MBD5: variants seen among roughly 807,000 people sequenced by gnomAD.
MBD5 encodes the protein methyl-CpG binding domain protein 5.
Under a neutral mutation model 117.3 loss-of-function variants are expected in MBD5, and 13 were observed. That is an observed-to-expected ratio of 0.11 (90% CI 0.07 to 0.18). The LOEUF (loss-of-function observed/expected upper bound fraction) is 0.18, where lower values mean the gene tolerates loss of function less well. Among genes scored for constraint, MBD5 ranks in the 10% least tolerant of loss-of-function variants. The pLI, the probability that MBD5 is intolerant of heterozygous loss-of-function variation, is 1.00. For synonymous variants in MBD5, 727 were observed against 766.4 expected, an observed-to-expected ratio of 0.95 and a Z score of 0.85; for missense variants, 1,879 against 2,093.8, an observed-to-expected ratio of 0.90 and a Z score of 2.00.
chr2:148,422,784 G>T (rs1230243674), intron 4 of MBD5, among the ~76,000 whole-genome samples: 1 of 152,142 alleles, frequency 6.6e-6, no homozygotes, highest in Admixed American at 6.6e-5. Flanking sequence ...ACTTCGTGAA[G>T]CATACACAAG....
chr2:148,185,670 G>A (rs886241013), intron 2 of MBD5, among the ~76,000 whole-genome samples: 1 of 152,102 alleles, frequency 6.6e-6, no homozygotes, highest in Non-Finnish European at 1.5e-5. Context: ...GGGAGACTGA[G>A]GTGAGAGGAT....
At chr2:148,390,924 G>A (rs1420900394) in intron 4 of MBD5, among the ~76,000 whole-genome samples, 1 of 152,134 alleles carries the variant, frequency 6.6e-6, no homozygotes, top group Non-Finnish European at 1.5e-5. Flanking sequence ...GTCCTTTTTG[G>A]TGTTCAGAAG....
chr2:148,167,322 G>A (rs1486278671), intron 1 of MBD5, among the ~76,000 whole-genome samples: 3 of 151,962 alleles, frequency 2.0e-5, no homozygotes, highest in African/African-American at 7.3e-5. Context: ...ATATCTTGTT[G>A]TTTAAACTTA....
chr2:148,456,796 C>T (rs1299298767), intron 4 of MBD5, among the ~76,000 whole-genome samples: 2 of 152,114 alleles, frequency 1.3e-5, no homozygotes, highest in Non-Finnish European at 1.5e-5. Context: ...ACGTCCATAC[C>T]CACAGTTCCC....
At chr2:148,084,175 T>C (rs184786141) in intron 1 of MBD5, among the ~76,000 whole-genome samples, 40 of 152,352 alleles carry the variant, frequency 2.6e-4, no homozygotes, top group African/African-American at 9.6e-4. Context: ...TAAGATCTTA[T>C]GTCACCATTA....
At chr2:148,467,539 T>C (rs1265395953) in intron 7 of MBD5, among the ~76,000 whole-genome samples, 2 of 152,154 alleles carry the variant, frequency 1.3e-5, no homozygotes, top group Non-Finnish European at 2.9e-5. Flanking sequence ...ATACACCCAA[T>C]TGTCTAATGA....
intron 3 of MBD5, among the ~76,000 whole-genome samples, chr2:148,289,066 G>A (rs1266485795): frequency 6.6e-6 from 1 of 152,094 alleles, no homozygotes; most frequent in Non-Finnish European, 1.5e-5. Context: ...TATGGTTATT[G>A]AACTACTTTT....
intron 12 of MBD5, among the ~76,000 whole-genome samples, chr2:148,507,550 G>C (rs1682072307): frequency 6.6e-6 from 1 of 151,306 alleles, no homozygotes; most frequent in Admixed American, 6.6e-5. Flanking sequence ...ACGAGGTCAG[G>C]AGATCGAGAC....
intron 1 of MBD5, among the ~76,000 whole-genome samples, chr2:148,174,787 A>T (rs915404743): frequency 1.3e-5 from 2 of 152,138 alleles, no homozygotes; most frequent in Non-Finnish European, 2.9e-5. Context: ...ATTACCAAAA[A>T]AAAAAAATAC....
chr2:148,150,973 A>G (rs1480406503), intron 1 of MBD5, among the ~76,000 whole-genome samples: 1 of 151,176 alleles, frequency 6.6e-6, no homozygotes. Flanking sequence ...AACTTCCAAC[A>G]CTATGTTGAA....
chr2:148,283,324 G>A (rs913654672), intron 3 of MBD5, among the ~76,000 whole-genome samples: 9 of 152,018 alleles, frequency 5.9e-5, no homozygotes, highest in Non-Finnish European at 1.2e-4. Flanking sequence ...TTGCAGTAAG[G>A]AAAAACTCTC....
At chr2:148,079,196 A>G (rs1349370581) in intron 1 of MBD5, among the ~76,000 whole-genome samples, 2 of 152,206 alleles carry the variant, frequency 1.3e-5, no homozygotes, top group African/African-American at 4.8e-5. Flanking sequence ...AATTCATAAA[A>G]TGCTGACCTG....
At chr2:148,116,263 G>A (rs74343188) in intron 1 of MBD5, among the ~76,000 whole-genome samples, 3,247 of 151,542 alleles carry the variant, frequency 0.021, 121 homozygotes, top group African/African-American at 0.074. Context: ...GGTTATCACC[G>A]TGACTGAGAA....
At chr2:148,200,018 G>A (rs1031773762) in intron 2 of MBD5, among the ~76,000 whole-genome samples, 1 of 151,966 alleles carries the variant, frequency 6.6e-6, no homozygotes. Context: ...TTCCTTAATC[G>A]TTTGCATATC....
chr2:148,481,366 C>G (rs1681147973), intron 8 of MBD5, among the ~76,000 whole-genome samples: 1 of 152,082 alleles, frequency 6.6e-6, no homozygotes, highest in Admixed American at 6.6e-5. Flanking sequence ...ATTACTGTTA[C>G]AACTATGGAA....
intron 1 of MBD5, among the ~76,000 whole-genome samples, chr2:148,101,447 G>A (rs970734940): frequency 6.6e-6 from 1 of 151,868 alleles, no homozygotes; most frequent in Non-Finnish European, 1.5e-5. Flanking sequence ...AGATGATAGA[G>A]AAAGACCCTG....
Position 148,327,645 on chromosome 2 carries a change from G to C in MBD5, c.-679-14569G>C, listed in dbSNP as rs1010265465. Among the ~76,000 whole-genome samples, 545 of 151,442 alleles carry C rather than the reference G, an allele frequency of 3.6e-3. 1 individual carries two copies. The highest frequency in any genetic ancestry group is 0.01 in the African/African-American group (420 of 41,272). The stretch of plus-strand genomic sequence containing the variant: ...CCAGTTGATCGCATTGGCTCCTGAG[G>C]CTTCTGCATTCTTCACATAGTTATC... On this transcript the variant is annotated intron_variant, in intron 3 of 13. Coordinates refer to ENST00000642680, the MANE Select transcript of MBD5 (RefSeq NM_001378120.1).
At chr2:148,378,815 G>A (rs1402521799) in intron 4 of MBD5, among the ~76,000 whole-genome samples, 1 of 152,014 alleles carries the variant, frequency 6.6e-6, no homozygotes, top group African/African-American at 2.4e-5. Context: ...ACAAATATGT[G>A]ATTAGGTAAT....
chr2:148,162,466 T>C (rs1299300674), intron 1 of MBD5, among the ~76,000 whole-genome samples: 1 of 152,236 alleles, frequency 6.6e-6, no homozygotes, highest in African/African-American at 2.4e-5. Flanking sequence ...CATGATAAAT[T>C]GTTTAGAAAA....
Sources: allele counts gnomAD v4.1 joint callset (sites outside exome capture counted in the v4.1 genomes callset), GRCh38; gene constraint gnomAD v4.1.1; transcripts MANE v1.5; gene names NCBI Gene and HGNC (gene_info 2026-07-23, HGNC 2026-07-21).